The following LRRC69 variants were observed in gnomAD, a reference collection of about 807,000 sequenced individuals.
The protein encoded by LRRC69 is leucine rich repeat containing 69, also known as leucine-rich repeat-containing protein 69.
LRRC69 carries 42 observed loss-of-function variants against 37.8 expected under a neutral mutation model. The ratio of observed to expected loss-of-function variants is 1.11; its 90% confidence interval spans 0.87 to 1.44. LRRC69 has a LOEUF of 1.44. Among genes scored for constraint, LRRC69 ranks in the 40% most tolerant of loss-of-function variants. The probability of loss-of-function intolerance (pLI) is 0.00; values close to 1 mark genes in which losing one functional copy is unlikely to be tolerated. For missense variants in LRRC69, 357 were observed against 401.9 expected, an observed-to-expected ratio of 0.89 and a Z score of 0.96; for synonymous variants, 141 against 143.1, an observed-to-expected ratio of 0.99 and a Z score of 0.11.
chr8:91,189,708 C>A (rs947188988), intron 6 of LRRC69, 85 bp downstream of exon 6: 76 of 881,254 alleles, frequency 8.6e-5, no homozygotes, highest in Middle Eastern at 2.7e-4. Context: ...ACATTCTTGC[C>A]AAGCCAGCAA....
At chr8:91,138,198 A>T (rs1808453786) in intron 5 of LRRC69, among the ~76,000 whole-genome samples, 1 of 152,004 alleles carries the variant, frequency 6.6e-6, no homozygotes, top group South Asian at 2.1e-4. Context: ...CCAATAATGA[A>T]ATACTAATAA....
chr8:91,105,274 T>C (rs1813290666), intron 1 of LRRC69, among the ~76,000 whole-genome samples: 1 of 151,858 alleles, frequency 6.6e-6, no homozygotes, highest in South Asian at 2.1e-4. Context: ...CAATTTTCCC[T>C]ATGTAATGGG....
chr8:91,180,216 C>G (rs1263914555), intron 5 of LRRC69, among the ~76,000 whole-genome samples: 1 of 152,102 alleles, frequency 6.6e-6, no homozygotes, highest in East Asian at 1.9e-4. Flanking sequence ...AGCTCAGGGT[C>G]TCTCATGAGT....
chr8:91,130,767 CAG>C (rs1305876253), intron 3 of LRRC69: 1 of 151,836 alleles, frequency 6.6e-6, no homozygotes, highest in Non-Finnish European at 1.5e-5. Context: ...AGGAGTAAAA[CAG>C]AAATTTATTT....
intron 5 of LRRC69, among the ~76,000 whole-genome samples, chr8:91,169,048 T>G (rs1809078895): frequency 6.6e-6 from 1 of 151,984 alleles, no homozygotes; most frequent in South Asian, 2.1e-4. Flanking sequence ...ACACTTATAT[T>G]TCAAAACAGG....
intron 1 of LRRC69, among the ~76,000 whole-genome samples, chr8:91,112,553 C>T (rs1342658063): frequency 6.6e-6 from 1 of 152,000 alleles, no homozygotes; most frequent in Non-Finnish European, 1.5e-5. Flanking sequence ...ATGATTAAAG[C>T]TCTCAACAAA....
At chr8:91,159,885 G>A (rs2130562757) in intron 5 of LRRC69, among the ~76,000 whole-genome samples, 1 of 148,772 alleles carries the variant, frequency 6.7e-6, no homozygotes, top group East Asian at 2.0e-4. Context: ...AGTGTTCTTG[G>A]GATGAAAATG....
chr8:91,196,049 A>G (rs984811389), intron 6 of LRRC69, among the ~76,000 whole-genome samples: 2 of 152,190 alleles, frequency 1.3e-5, no homozygotes, highest in African/African-American at 2.4e-5. Flanking sequence ...TGTAGTGACA[A>G]AATCTCTCAG....
chr8:91,209,752 T>A (rs1809872078), intron 7 of LRRC69, among the ~76,000 whole-genome samples: 1 of 152,204 alleles, frequency 6.6e-6, no homozygotes, highest in African/African-American at 2.4e-5. Context: ...TAATAGAATT[T>A]TGTTACTGCA....
At chr8:91,136,998 CTAT>C in intron 5 of LRRC69, among the ~76,000 whole-genome samples, 1 of 152,068 alleles carries the variant, frequency 6.6e-6, no homozygotes, top group Non-Finnish European at 1.5e-5. Context: ...CTCATTTTGG[CTAT>C]TACTGCAATG....
chr8:91,155,351 CATA>C (rs1563607736), intron 5 of LRRC69, among the ~76,000 whole-genome samples: 1 of 150,670 alleles, frequency 6.6e-6, no homozygotes, highest in African/African-American at 2.4e-5. Context: ...TTAAGCAACA[CATA>C]ATAATTGTAC....
At chr8:91,189,372 A>G in intron 5 of LRRC69, 150 bp from the exon 6 acceptor site, 1 of 580,076 alleles carries the variant, frequency 1.7e-6, no homozygotes, top group Non-Finnish European at 3.0e-6. Flanking sequence ...CCCCTAAATT[A>G]CTTTATTTAG....
At chr8:91,175,851 A>G (rs1197733554) in intron 5 of LRRC69, among the ~76,000 whole-genome samples, 1 of 151,260 alleles carries the variant, frequency 6.6e-6, no homozygotes, top group African/African-American at 2.4e-5. Context: ...ATATAATTGG[A>G]CATGCTTTAA....
chr8:91,176,719 T>G (rs557362059), intron 5 of LRRC69, among the ~76,000 whole-genome samples: 409 of 152,214 alleles, frequency 2.7e-3, no homozygotes, highest in African/African-American at 9.4e-3. Context: ...CCTAGTTCAG[T>G]CAGACAGAGT....
intron 1 of LRRC69, among the ~76,000 whole-genome samples, chr8:91,107,160 A>G (rs941166868): frequency 1.3e-5 from 2 of 148,772 alleles, no homozygotes; most frequent in African/African-American, 5.0e-5. Context: ...TTTGAGACAG[A>G]GTCTTGCTCT....
chr8:91,137,542 G>A (rs989323707), intron 5 of LRRC69, among the ~76,000 whole-genome samples: 16 of 151,824 alleles, frequency 1.1e-4, no homozygotes, highest in African/African-American at 3.9e-4. Flanking sequence ...TTTCACCTTC[G>A]TAGTCTGTTA....
chr8:91,192,099 G>C (rs771916505), intron 6 of LRRC69, among the ~76,000 whole-genome samples: 1 of 148,552 alleles, frequency 6.7e-6, no homozygotes, highest in African/African-American at 2.5e-5. Context: ...TGCGGTGTTT[G>C]GTTTTTTGTT....
intron 1 of LRRC69, among the ~76,000 whole-genome samples, chr8:91,103,983 A>C (rs1006007217): frequency 6.6e-6 from 1 of 151,972 alleles, no homozygotes; most frequent in African/African-American, 2.4e-5. Context: ...GCTATCTTCT[A>C]TCCCACTTCC....
chr8:91,137,336 G>A (rs1309242336), intron 5 of LRRC69, among the ~76,000 whole-genome samples: 2 of 151,854 alleles, frequency 1.3e-5, no homozygotes, highest in African/African-American at 2.4e-5. Context: ...CGTTTTCTAC[G>A]GTATTTCTAT....
Sources: allele counts gnomAD v4.1 joint callset (sites outside exome capture counted in the v4.1 genomes callset), GRCh38; gene constraint gnomAD v4.1.1; transcripts MANE v1.5; gene names NCBI Gene and HGNC (gene_info 2026-07-23, HGNC 2026-07-21).